M1AP: variants seen among roughly 807,000 people sequenced by gnomAD.
M1AP encodes meiosis 1 associated protein, also known as meiosis 1 arrest protein.
A neutral mutation model predicts 51.2 loss-of-function variants in M1AP; 39 were observed. The ratio of observed to expected loss-of-function variants is 0.76; its 90% confidence interval spans 0.59 to 1.00. M1AP has a LOEUF of 1.00. Among genes scored for constraint, M1AP ranks in the 50% least tolerant of loss-of-function variants. The pLI is 0.00. For missense variants in M1AP, 545 were observed against 641.2 expected (o/e 0.85, Z 1.62); for synonymous variants, 251 against 249.2 (o/e 1.01, Z -0.07).
At chr2:74,637,044 C>T (rs1386840268) in intron 2 of M1AP, among the ~76,000 whole-genome samples, 1 of 152,140 alleles carries the variant, frequency 6.6e-6, no homozygotes, top group African/African-American at 2.4e-5. Flanking sequence ...TTTCTATCCC[C>T]TGTTCCTCTC....
At chr2:74,562,725 G>A (rs1347655062) in intron 7 of M1AP, among the ~76,000 whole-genome samples, 1 of 152,142 alleles carries the variant, frequency 6.6e-6, no homozygotes, top group Non-Finnish European at 1.5e-5. Flanking sequence ...ACCACATTCA[G>A]CATACATGTG....
intron 4 of M1AP, among the ~76,000 whole-genome samples, chr2:74,582,182 T>A (rs1679447816): frequency 6.6e-6 from 1 of 152,216 alleles, no homozygotes; most frequent in Admixed American, 6.5e-5. Flanking sequence ...GCAATCTTCT[T>A]GTCTCAGCCT....
intron 4 of M1AP, among the ~76,000 whole-genome samples, chr2:74,585,779 T>A (rs1263285159): frequency 3.3e-5 from 5 of 152,034 alleles, no homozygotes; most frequent in African/African-American, 9.7e-5. Context: ...GAGGCTAAAC[T>A]TTTTTTCCAT....
intron 2 of M1AP, among the ~76,000 whole-genome samples, chr2:74,635,659 G>C (rs1398825243): frequency 3.3e-5 from 5 of 151,916 alleles, no homozygotes; most frequent in Non-Finnish European, 7.4e-5. Context: ...CACAAATTTT[G>C]ATATTTGTAT....
In M1AP at chr2:74,575,362, AGTTAGTTAGCTGCTTTTCTGTGGTTG is replaced by A. The variant is rs1678995000; in HGVS notation, c.1074+50_1074+75del. The A allele has an allele frequency of 5.0e-6, 8 of 1,595,202 alleles. No homozygotes were observed. The Admixed American group carries it at 6.8e-5, about 14-fold the overall frequency. ...TTGAGGCAGATTTAGGATTGGGCAG[AGTTAGTTAGCTGCTTTTCTGTGGTTG>A]GTACTTTAAAAACGATTCTTCTTTT... is the stretch of plus-strand genomic sequence containing the variant. On this transcript the variant is annotated intron_variant, in intron 7 of 10. Transcript: ENST00000421985.
At chr2:74,587,618 C>T (rs1397915276) in intron 4 of M1AP, among the ~76,000 whole-genome samples, 5 of 152,166 alleles carry the variant, frequency 3.3e-5, no homozygotes, top group Non-Finnish European at 7.3e-5. Context: ...ACTAAATGTG[C>T]TAAATCTGGG....
At chr2:74,581,613 C>T in intron 5 of M1AP, 61 bp downstream of exon 5, 1 of 1,535,904 alleles carries the variant, frequency 6.5e-7, no homozygotes, top group Middle Eastern at 1.7e-4. Context: ...CACCACCAAT[C>T]TAGAGTCCTG....
chr2:74,625,180 T>C (rs752243462), intron 2 of M1AP, among the ~76,000 whole-genome samples: 15 of 152,220 alleles, frequency 9.9e-5, no homozygotes, highest in Non-Finnish European at 1.3e-4. Context: ...ATGAGGTTGA[T>C]GTATTTTCAT....
rs1012085815 is a variant in M1AP at position 74,583,042 on chromosome 2, TA to T, written c.596-1196del. Reference sequence around the variant, plus strand: ...AAAATAAATAAATAAATAAAATAAATAAAAAATAAAACATGGGAGAAAGAAA... The same window carrying T: ...AAAATAAATAAATAAATAAAATAAATAAAAATAAAACATGGGAGAAAGAAA... On this transcript the variant is annotated intron_variant, in intron 4 of 10. Transcript: ENST00000421985. Among the ~76,000 whole-genome samples the T allele has an allele frequency of 2.0e-5, 3 of 150,838 alleles. 1 individual carries two copies. Among genetic ancestry groups the T allele is most frequent in the African/African-American group, 7.3e-5 (3 of 41,080 alleles).
At chr2:74,589,793 T>C (rs984774540) in intron 4 of M1AP, among the ~76,000 whole-genome samples, 1 of 152,180 alleles carries the variant, frequency 6.6e-6, no homozygotes, top group African/African-American at 2.4e-5. Context: ...CAAGCTAATA[T>C]AGTCTAAGGC....
At chr2:74,633,230 A>C (rs1682800610) in intron 2 of M1AP, among the ~76,000 whole-genome samples, 1 of 152,134 alleles carries the variant, frequency 6.6e-6, no homozygotes, top group South Asian at 2.1e-4. Flanking sequence ...CCTTCTTCTG[A>C]AGGCAACATG....
chr2:74,585,009 A>G (rs1679625314), intron 4 of M1AP, among the ~76,000 whole-genome samples: 1 of 151,370 alleles, frequency 6.6e-6, no homozygotes, highest in African/African-American at 2.4e-5. Context: ...CACCTGGCTA[A>G]TTTTTGTATT....
chr2:74,580,055 C>T (rs1679310671), intron 5 of M1AP, among the ~76,000 whole-genome samples: 1 of 152,198 alleles, frequency 6.6e-6, no homozygotes, highest in Admixed American at 6.5e-5. Context: ...GATCCTCCCA[C>T]CTTTGCCTCC....
At chr2:74,566,497 T>A (rs1426184009) in intron 7 of M1AP, among the ~76,000 whole-genome samples, 1 of 152,092 alleles carries the variant, frequency 6.6e-6, no homozygotes, top group Non-Finnish European at 1.5e-5. Flanking sequence ...GTTCAGCATA[T>A]TTGGAGAACA....
intron 5 of M1AP, among the ~76,000 whole-genome samples, chr2:74,580,264 G>C (rs1000584535): frequency 1.3e-5 from 2 of 152,220 alleles, no homozygotes; most frequent in African/African-American, 4.8e-5. Context: ...CACAGAGGCA[G>C]GGCTTAATAA....
chr2:74,644,468 G>T (rs1044921459), intron 1 of M1AP, among the ~76,000 whole-genome samples: 1 of 151,906 alleles, frequency 6.6e-6, no homozygotes, highest in Non-Finnish European at 1.5e-5. Flanking sequence ...AACCCAGGAG[G>T]CGGAGGTTGC....
rs1269310405 is a variant in M1AP, at chr2:74,596,266, G to A, written c.595+10789C>T. Among the ~76,000 whole-genome samples, 3 of 152,122 alleles carry A rather than the reference G, an allele frequency of 2.0e-5. No homozygotes were observed. The East Asian group carries it at 5.8e-4, about 29-fold the overall frequency. ...AGACATAAATGAGTTGAAAGTAAAT[G>A]GATGGGAAAGGATGAACCATAAAAA... On this transcript the variant is annotated intron_variant, in intron 4 of 10. Transcript: ENST00000421985.
intron 3 of M1AP, 105 bp from the exon 4 acceptor site, chr2:74,607,328 G>A: frequency 1.7e-6 from 2 of 1,157,070 alleles, no homozygotes; most frequent in Non-Finnish European, 2.5e-6. Context: ...GTCTGTGGTG[G>A]TGGCTATTAT....
At chr2:74,568,701 G>C (rs1279547426) in intron 7 of M1AP, among the ~76,000 whole-genome samples, 1 of 152,214 alleles carries the variant, frequency 6.6e-6, no homozygotes, top group Non-Finnish European at 1.5e-5. Context: ...CTTCCAAAAA[G>C]TAGAATGTTT....
Sources: gnomAD v4.1 joint callset for allele counts (sites outside exome capture counted in the v4.1 genomes callset) on GRCh38, gnomAD v4.1.1 for gene constraint, MANE v1.5 for transcripts, NCBI Gene and HGNC (gene_info 2026-07-23, HGNC 2026-07-21) for gene names.